The following CRYAB variants were observed in gnomAD, a reference collection of about 807,000 sequenced individuals.
CRYAB encodes crystallin alpha B.
In CRYAB, 9 loss-of-function variants were observed where a neutral mutation model predicts 12.7. That is an observed-to-expected ratio of 0.71 (90% CI 0.43 to 1.24). The LOEUF (loss-of-function observed/expected upper bound fraction) is 1.24. Ranked by LOEUF, CRYAB falls within the 50% of genes most tolerant of loss-of-function variation. The probability of loss-of-function intolerance (pLI) is 0.00; values close to 1 mark genes in which losing one functional copy is unlikely to be tolerated. For synonymous variants in CRYAB, 93 were observed against 86.8 expected (o/e 1.07, Z -0.40); for missense variants, 183 against 226.6 (o/e 0.81, Z 1.24).
upstream of CRYAB, chr11:111,912,689 C>CCT: frequency 1.9e-6 from 1 of 535,176 alleles, no homozygotes; most frequent in South Asian, 1.9e-5. Flanking sequence ...CCTCCCCCCC[C>CCT]AAGAGGCTCG....
intron 2 of CRYAB, chr11:111,909,275 T>G: frequency 2.1e-6 from 1 of 479,894 alleles, no homozygotes; most frequent in Admixed American, 2.3e-5. Flanking sequence ...CCTACAGAAT[T>G]TGGAATCTCA....
chr11:111,910,534 T>C, intron 1 of CRYAB, 85 bp from the exon 2 acceptor site: 1 of 1,519,974 alleles, frequency 6.6e-7, no homozygotes, highest in Non-Finnish European at 9.1e-7. Context: ...TCTGCAGAGC[T>C]GCTTTCTGTC....
At chr11:111,910,775 T>C (rs1362384753) in intron 1 of CRYAB, 4 of 416,184 alleles carry the variant, frequency 9.6e-6, no homozygotes, top group Non-Finnish European at 1.8e-5. Context: ...TTGTGGTTTG[T>C]CTGTGAGACA....
chr11:111,912,096 G>C, upstream of CRYAB: 1 of 275,872 alleles, frequency 3.6e-6, no homozygotes, highest in Non-Finnish European at 7.0e-6. Context: ...ATGGGAGCCG[G>C]CGTAGTGTGC....
chr11:111,919,924 G>A (rs1965662125), intron 1 of CRYAB, among the ~76,000 whole-genome samples: 1 of 152,164 alleles, frequency 6.6e-6, no homozygotes, highest in African/African-American at 2.4e-5. Flanking sequence ...TGCCAGGCGT[G>A]GTGGCTCACG....
At chr11:111,912,991 C>G (rs1265303744), upstream of CRYAB, 6 of 1,232,526 alleles carry the variant, frequency 4.9e-6, no homozygotes, top group South Asian at 7.9e-5. Context: ...GACCTCCCAA[C>G]GTTGCTGGCC....
upstream of CRYAB, chr11:111,912,504 C>T (rs1965497453): frequency 2.2e-6 from 1 of 457,604 alleles, no homozygotes; most frequent in African/African-American, 2.0e-5. Context: ...AGCGAGGCCT[C>T]TTCATGCCCC....
chr11:111,916,007 A>T (rs1965592491), upstream of CRYAB, among the ~76,000 whole-genome samples: 1 of 152,010 alleles, frequency 6.6e-6, no homozygotes, highest in African/African-American at 2.4e-5. Context: ...CTGCCACAGT[A>T]CTGGGATTAC....
chr11:111,919,071 C>A (rs868928610), intron 1 of CRYAB: 26 of 1,576,038 alleles, frequency 1.6e-5, no homozygotes, highest in Non-Finnish European at 2.3e-5. Flanking sequence ...CCCCGAAAAT[C>A]AGAGGACCTG....
At chr11:111,913,367 C>A, upstream of CRYAB, 1 of 1,184,916 alleles carries the variant, frequency 8.4e-7, no homozygotes, top group African/African-American at 1.5e-5. Context: ...CCCTCCTCTC[C>A]AGATTTCCCA....
chr11:111,913,856 T>A (rs1261156723), upstream of CRYAB: 4 of 1,612,918 alleles, frequency 2.5e-6, no homozygotes, highest in Non-Finnish European at 3.4e-6. Flanking sequence ...CGCCTCCTGA[T>A]CCAGAGGAAG....
chr11:111,912,965 C>T, upstream of CRYAB: 1 of 1,475,830 alleles, frequency 6.8e-7, no homozygotes, highest in Non-Finnish European at 9.2e-7. Flanking sequence ...ACCCCCACCC[C>T]CTGAAATTCT....
chr11:111,912,478 C>T, upstream of CRYAB: 1 of 377,576 alleles, frequency 2.6e-6, no homozygotes, highest in Non-Finnish European at 4.9e-6. Context: ...ACGTGCAAAC[C>T]GTTTGTGAGG....
upstream of CRYAB, chr11:111,911,790 C>T (rs1381666429): frequency 2.7e-6 from 3 of 1,091,496 alleles, no homozygotes; most frequent in African/African-American, 1.6e-5. Context: ...TACAGCCAGC[C>T]CCTTATATAT....
upstream of CRYAB, chr11:111,913,434 C>T: frequency 6.3e-7 from 1 of 1,599,202 alleles, no homozygotes; most frequent in Non-Finnish European, 8.5e-7. Context: ...TTCTCTCTGC[C>T]CTTTAGGCCT....
In CRYAB at chr11:111,911,692, G is replaced by A. The variant is rs782430984; in HGVS notation, c.33C>T (p.Arg11=). MDIAIHHPWI[R]RPFFPFHSPS... Reference sequence around the variant, plus strand: ...GGGAGTGGAAAGGAAAGAAGGGGCGGCGGATCCAGGGGTGGTGGATGGCGA... The same window carrying A: ...GGGAGTGGAAAGGAAAGAAGGGGCGACGGATCCAGGGGTGGTGGATGGCGA... The change falls in exon 1 of 3, where the codon CGC becomes CGT. Residue 11 remains arginine, a synonymous_variant. Coordinates refer to ENST00000650687, the MANE Select transcript of CRYAB (RefSeq NM_001289808.2). 2 of 1,599,720 alleles carry A rather than the reference G, an allele frequency of 1.3e-6. No homozygotes were observed. Among genetic ancestry groups the A allele is most frequent in the Middle Eastern group, 3.3e-4 (2 of 6,042 alleles).
intron 1 of CRYAB, among the ~76,000 whole-genome samples, chr11:111,922,829 T>C (rs1386992067): frequency 2.0e-5 from 3 of 152,260 alleles, no homozygotes; most frequent in African/African-American, 7.2e-5. Context: ...TACACATTTA[T>C]GTTTAAGGAT....
chr11:111,919,991 C>T (rs782469448), intron 1 of CRYAB, among the ~76,000 whole-genome samples: 3 of 151,612 alleles, frequency 2.0e-5, no homozygotes, highest in Non-Finnish European at 4.4e-5. Flanking sequence ...GTCAGGAGAT[C>T]GAGACCATCC....
chr11:111,911,637 C>G lies in CRYAB; in HGVS notation c.88G>C (p.Glu30Gln). ...AAAAGATCAGACTCCAACAGGTGCT[C>G]TCCGAAGAACTGGTCAAAGAGGCGG... Reference protein sequence around the residue: ...PSRLFDQFFGEHLLESDLFPT... With the variant: ...PSRLFDQFFGQHLLESDLFPT... Residue 30 changes from glutamate (E) to glutamine (Q), a missense_variant, in exon 1 of 3, where the codon GAG (glutamate) becomes CAG (glutamine). Glu to Gln is a conservative substitution (Grantham distance 29, BLOSUM62 2). Transcript: ENST00000650687. 6.2e-7 allele frequency: 1 copy of G among 1,611,634 alleles called. No individual in the cohort carries two copies. The highest frequency in any genetic ancestry group is 8.5e-7 in the Non-Finnish European group (1 of 1,179,120).
Sources: allele counts gnomAD v4.1 joint callset (sites outside exome capture counted in the v4.1 genomes callset), GRCh38; gene constraint gnomAD v4.1.1; transcripts MANE v1.5; gene names NCBI Gene and HGNC (gene_info 2026-07-23, HGNC 2026-07-21).